PCNT: variants seen among roughly 807,000 people sequenced by gnomAD.
PCNT encodes the protein pericentrin, also known as kendrin.
PCNT carries 319 observed loss-of-function variants against 380.4 expected under a neutral mutation model. The ratio of observed to expected loss-of-function variants is 0.84; its 90% CI spans 0.77 to 0.92. The LOEUF (loss-of-function observed/expected upper bound fraction) is 0.92, where lower values mean the gene tolerates loss of function less well. Among genes scored for constraint, PCNT ranks in the 40% least tolerant of loss-of-function variants. The probability of loss-of-function intolerance (pLI) is 0.00; values close to 1 mark genes in which losing one functional copy is unlikely to be tolerated. For synonymous variants in PCNT, 1,845 were observed against 1,735.2 expected (o/e 1.06, Z -1.57); for missense variants, 4,400 against 4,255.3 (o/e 1.03, Z -0.95).
chr21:46,360,733 T>G (rs1366678544), intron 13 of PCNT, among the ~76,000 whole-genome samples: 1 of 151,394 alleles, frequency 6.6e-6, no homozygotes, highest in Non-Finnish European at 1.5e-5. Flanking sequence ...TTAGCCAGGA[T>G]GGTCTCAATC....
intron 13 of PCNT, among the ~76,000 whole-genome samples, chr21:46,362,851 C>T (rs182743590): frequency 2.0e-4 from 30 of 151,166 alleles, no homozygotes; most frequent in African/African-American, 7.0e-4. Flanking sequence ...CCAGCCTGGG[C>T]GACAGACCCT....
At chr21:46,431,343 G>T in intron 37 of PCNT, 186 bp from the exon 38 acceptor site, 5 of 1,448,920 alleles carry the variant, frequency 3.5e-6, no homozygotes, top group Non-Finnish European at 4.5e-6. Flanking sequence ...TGTCATCTCC[G>T]CAGTCTGGGT....
intron 20 of PCNT, 25 bp from the exon 21 acceptor site, chr21:46,391,139 C>T (rs1310477208): frequency 1.3e-6 from 2 of 1,552,878 alleles, no homozygotes. Flanking sequence ...CTGGCTTTGT[C>T]AGAGCATCTG....
chr21:46,324,353 C>G (rs1601723547), intron 1 of PCNT, 71 bp downstream of exon 1: 2 of 1,271,488 alleles, frequency 1.6e-6, no homozygotes, highest in Admixed American at 3.9e-5. Flanking sequence ...TGCCCGCCAC[C>G]GCCCCCTGCC....
intron 17 of PCNT, among the ~76,000 whole-genome samples, chr21:46,386,306 G>A (rs907221059): frequency 5.3e-5 from 8 of 152,174 alleles, no homozygotes; most frequent in African/African-American, 1.2e-4. Context: ...TAGTGTCTGC[G>A]TCCCCGCAGC....
rs7276187 is a variant in PCNT, at chr21:46,385,113, G to A, written c.3313-719G>A. Among the ~76,000 whole-genome samples, 976 of 152,260 alleles carry A rather than the reference G, an allele frequency of 6.4e-3. 11 individuals carry two copies. Among genetic ancestry groups the A allele is most frequent in the African/African-American group, 0.022 (932 of 41,540 alleles). On this transcript the variant is annotated intron_variant, in intron 16 of 46. Coordinates refer to ENST00000359568, the MANE Select transcript of PCNT (RefSeq NM_006031.6). ...CTCACACCTTTAATCCCAGCACTTC[G>A]GGAGGCTGAGGCAGGAGGACCACTC...
At chr21:46,438,372 C>G (rs2053518584) in intron 41 of PCNT, 35 bp downstream of exon 41, 2 of 1,598,650 alleles carry the variant, frequency 1.3e-6, no homozygotes, top group Non-Finnish European at 1.7e-6. Context: ...CCTGCCTCAG[C>G]CTAACCCACC....
chr21:46,416,751 G>C lies in PCNT; in HGVS notation c.6833G>C (p.Cys2278Ser). 5.0e-6 allele frequency: 8 copies of C among 1,601,506 alleles called. No individual in the cohort carries two copies. The highest frequency in any genetic ancestry group is 6.8e-6 in the Non-Finnish European group (8 of 1,174,182). Residue 2278 changes from cysteine to serine, a missense_variant, in exon 30 of 47, where the codon TGT (cysteine) becomes TCT (serine). Cys to Ser is a moderately radical substitution (Grantham distance 112). Coordinates refer to ENST00000359568, the MANE Select transcript of PCNT (RefSeq NM_006031.6). ...LPQTQGPGLL[C>S]SPGVSAAALA... ...CAGACCCAGGGGCCGGGGCTGCTTT[G>C]TTCCCCAGGCGTGTCTGCAGCAGCG...
At chr21:46,387,052 C>T (rs1569235783) in intron 17 of PCNT, among the ~76,000 whole-genome samples, 1 of 152,196 alleles carries the variant, frequency 6.6e-6, no homozygotes, top group Non-Finnish European at 1.5e-5. Flanking sequence ...TGTGTCCCCA[C>T]TCGAGGCCTC....
chr21:46,343,270 T>C (rs146718308), intron 3 of PCNT, among the ~76,000 whole-genome samples: 27 of 152,324 alleles, frequency 1.8e-4, no homozygotes, highest in African/African-American at 6.0e-4. Context: ...AGTATAATGT[T>C]GGCTGTGGGT....
intron 2 of PCNT, among the ~76,000 whole-genome samples, chr21:46,334,112 G>A (rs2146351363): frequency 6.6e-6 from 1 of 152,042 alleles, no homozygotes; most frequent in East Asian, 1.9e-4. Context: ...GGCTGAGGCA[G>A]GGGAATGGCG....
chr21:46,326,539 A>C lies in PCNT; in HGVS notation c.217A>C (p.Thr73Pro), dbSNP rs767199385. The C allele has an allele frequency of 1.2e-6, 2 of 1,614,174 alleles. No individual in the cohort carries two copies. The highest frequency in any genetic ancestry group is 2.2e-5 in the South Asian group (2 of 91,082). ...LCGGGDICKS[T>P]SCDDTPDGAG... is the part of the protein sequence containing the mutation. ...TGGAGGAGGGGACATTTGCAAAAGC[A>C]CATCATGTGACGACACCCCTGATGG... The change falls in exon 2 of 47, where the codon ACA (threonine) becomes CCA (proline). Residue 73 changes from threonine to proline, a missense_variant. By Grantham distance (38) the Thr-to-Pro change is conservative (BLOSUM62 -1). Transcript: ENST00000359568.
chr21:46,334,221 AT>A (rs2083656230), intron 2 of PCNT, among the ~76,000 whole-genome samples, 175 bp from the exon 3 acceptor site: 2 of 150,030 alleles, frequency 1.3e-5, no homozygotes, highest in African/African-American at 5.0e-5. Context: ...AAAAAAAAAA[AT>A]GTTTAGAGCT....
chr21:46,348,968 A>T (rs1430614972), intron 6 of PCNT, 44 bp from the exon 7 acceptor site: 2 of 1,282,544 alleles, frequency 1.6e-6, no homozygotes, highest in African/African-American at 2.9e-5. Flanking sequence ...TCTTTAGCAC[A>T]GATAATCAAC....
Position 46,353,399 on chromosome 21 carries a change from T to G in PCNT, c.1679+73T>G, listed in dbSNP as rs919750509. 3 of 1,258,946 alleles carry G rather than the reference T, an allele frequency of 2.4e-6. No homozygotes were observed. In the Admixed American group the frequency reaches 5.1e-5, roughly 21 times the overall value. The allele number at this position is 1,258,946 out of a possible 1,614,324, so 78.0% of individuals were successfully genotyped here. ...CAGGCTCTGAGTTCAGGGGTAGTTT[T>G]GTTGGTGATTTCATGCTAGTAGGCA... On this transcript the variant is annotated intron_variant, in intron 10 of 46. Coordinates refer to ENST00000359568, the MANE Select transcript of PCNT (RefSeq NM_006031.6).
intron 27 of PCNT, 25 bp downstream of exon 27, chr21:46,402,508 C>A: frequency 6.2e-7 from 1 of 1,613,104 alleles, no homozygotes; most frequent in Non-Finnish European, 8.5e-7. Flanking sequence ...GTCCACGTGA[C>A]GCCCGAGTTC....
Position 46,424,318 on chromosome 21 carries a change from C to T in PCNT, c.7180-1513C>T, listed in dbSNP as rs192611843. Among the ~76,000 whole-genome samples, 487 of 152,340 alleles carry T rather than the reference C, an allele frequency of 3.2e-3. 3 individuals carry two copies. The highest frequency in any genetic ancestry group is 0.011 in the African/African-American group (456 of 41,564). ...GAAATGAGGACTCCCCTGCCTCCGC[C>T]GCTGCCACCACCACCACTGCTGACA... On this transcript the variant is annotated intron_variant, in intron 32 of 46. Transcript: ENST00000359568.
At position 46,397,346 on chromosome 21, in the gene PCNT, T is replaced by G; in HGVS notation, c.4298T>G (p.Leu1433Arg). The G allele has an allele frequency of 6.2e-7, 1 of 1,614,048 alleles. No homozygotes were observed. ...GCTGAGAAGGACCGCTCAGCCCTGCTCTCCCAGATGAAGATTTTGGAGTCT... is the reference window on the plus strand; with the variant it reads ...GCTGAGAAGGACCGCTCAGCCCTGCGCTCCCAGATGAAGATTTTGGAGTCT... ...KQAEKDRSALLSQMKILESEL... is the reference protein window; with the variant it reads ...KQAEKDRSALRSQMKILESEL... The change falls in exon 22 of 47, where the codon CTC (leucine) becomes CGC (arginine). Residue 1433 changes from leucine (L) to arginine (R), a missense_variant. Leu to Arg is a moderately radical substitution (Grantham distance 102, BLOSUM62 -2). Coordinates refer to ENST00000359568, the MANE Select transcript of PCNT (RefSeq NM_006031.6).
In PCNT at chr21:46,381,742, A is replaced by G; in HGVS notation, c.3214A>G (p.Thr1072Ala). The G allele has an allele frequency of 6.2e-7, 1 of 1,614,060 alleles. No individual in the cohort carries two copies. The highest frequency in any genetic ancestry group is 8.5e-7 in the Non-Finnish European group (1 of 1,179,924). ...AACTGCTTTGCATGAAAAAGAGGAG[A>G]CACTTCGGCTTCAGAGTGCACAGGC... ...KKTALHEKEETLRLQSAQAQP... is the reference protein window; with the variant it reads ...KKTALHEKEEALRLQSAQAQP... Residue 1072 changes from threonine (T) to alanine (A), a missense_variant, in exon 16 of 47, where the codon ACA becomes GCA. Physicochemically the swap from Thr to Ala is moderately conservative, Grantham distance 58. Transcript: ENST00000359568.
Sources: allele counts gnomAD v4.1 joint callset (sites outside exome capture counted in the v4.1 genomes callset), GRCh38; gene constraint gnomAD v4.1.1; transcripts MANE v1.5; gene names NCBI Gene and HGNC (gene_info 2026-07-23, HGNC 2026-07-21).